SPHKAP: variants seen among roughly 807,000 people sequenced by gnomAD.
SPHKAP encodes the protein SPHK1 interactor, AKAP domain containing, also known as A-kinase anchor protein SPHKAP.
A neutral mutation model predicts 137.5 loss-of-function variants in SPHKAP; 67 were observed. The ratio of observed to expected loss-of-function variants is 0.49; its 90% CI spans 0.40 to 0.60. The LOEUF (loss-of-function observed/expected upper bound fraction) is 0.60. Among genes scored for constraint, SPHKAP ranks in the 20% least tolerant of loss-of-function variants. The pLI is 0.00. For missense variants in SPHKAP, 2,097 were observed against 2,069.3 expected, an observed-to-expected ratio of 1.01 and a Z score of -0.26; for synonymous variants, 813 against 785.3, an observed-to-expected ratio of 1.04 and a Z score of -0.59.
intron 1 of SPHKAP, among the ~76,000 whole-genome samples, chr2:228,151,070 C>T (rs977759260): frequency 6.7e-6 from 1 of 149,172 alleles, no homozygotes; most frequent in African/African-American, 2.5e-5. Context: ...TCTCCTAATG[C>T]TATCCCTCCC....
At chr2:228,118,930 A>G (rs898379584) in intron 2 of SPHKAP, among the ~76,000 whole-genome samples, 1 of 152,210 alleles carries the variant, frequency 6.6e-6, no homozygotes, top group African/African-American at 2.4e-5. Flanking sequence ...CGTCATAATC[A>G]CATAAATTAT....
At chr2:228,030,726 ATT>A (rs397974672) in intron 3 of SPHKAP, among the ~76,000 whole-genome samples, 1 of 146,780 alleles carries the variant, frequency 6.8e-6, no homozygotes. Context: ...CCTCCATAAT[ATT>A]TTTTTTTTTT....
chr2:228,070,615 T>C (rs1421469036), intron 3 of SPHKAP, among the ~76,000 whole-genome samples: 2 of 152,216 alleles, frequency 1.3e-5, no homozygotes, highest in Non-Finnish European at 2.9e-5. Flanking sequence ...TTTCTGGCAC[T>C]GTTTCTTTTA....
Position 228,001,328 on chromosome 2 carries a change from TACATATATAAATATATATAC to T in SPHKAP, c.4449-5654_4449-5635del, listed in dbSNP as rs1265737945. Among the ~76,000 whole-genome samples, 250 of 143,600 alleles carry T rather than the reference TACATATATAAATATATATAC, an allele frequency of 1.7e-3. 1 individual carries two copies. Among genetic ancestry groups the T allele is most frequent in the African/African-American group, 5.8e-3 (227 of 39,440 alleles). The allele number at this position is 143,600 out of a possible 152,430, so 94.2% of individuals were successfully genotyped here. On this transcript the variant is annotated intron_variant, in intron 7 of 11. Transcript: ENST00000392056. ...ATATCTATACATATATAAATATATA[TACATATATAAATATATATAC>T]ACATATATAAATATATACACACATA...
At chr2:228,106,842 C>T (rs1698357786) in intron 3 of SPHKAP, among the ~76,000 whole-genome samples, 1 of 152,236 alleles carries the variant, frequency 6.6e-6, no homozygotes, top group Non-Finnish European at 1.5e-5. Context: ...TTAAGAAAAG[C>T]AACTACAGGA....
chr2:227,984,809 C>T (rs1288670267), intron 11 of SPHKAP, among the ~76,000 whole-genome samples: 3 of 152,136 alleles, frequency 2.0e-5, no homozygotes, highest in East Asian at 1.9e-4. Context: ...ATTTGTTTCT[C>T]GAGACTTCTC....
chr2:228,009,319 A>C (rs1018808032), intron 7 of SPHKAP, among the ~76,000 whole-genome samples: 1 of 152,064 alleles, frequency 6.6e-6, no homozygotes, highest in African/African-American at 2.4e-5. Flanking sequence ...GCTTTTAATA[A>C]TTTGATTATC....
intron 3 of SPHKAP, 152 bp downstream of exon 3, chr2:228,108,680 T>A (rs1020884295): frequency 1.5e-5 from 8 of 542,022 alleles, no homozygotes; most frequent in Non-Finnish European, 2.2e-5. Context: ...GCTATTTTGT[T>A]AACTGTCCAT....
At chr2:228,141,605 A>G (rs1013739792) in intron 1 of SPHKAP, among the ~76,000 whole-genome samples, 2 of 152,156 alleles carry the variant, frequency 1.3e-5, no homozygotes, top group African/African-American at 4.8e-5. Flanking sequence ...ACTATTAACT[A>G]TTATCATTAG....
chr2:228,015,407 CATGATTT>C (rs1694542895), intron 7 of SPHKAP, among the ~76,000 whole-genome samples: 2 of 151,902 alleles, frequency 1.3e-5, no homozygotes, highest in Non-Finnish European at 2.9e-5. Flanking sequence ...TTTATAGCAG[CATGATTT>C]ATAGTCCTTT....
chr2:228,175,809 T>C (rs543066563), intron 1 of SPHKAP, among the ~76,000 whole-genome samples: 2 of 152,210 alleles, frequency 1.3e-5, no homozygotes, highest in East Asian at 3.9e-4. Context: ...GATAGATAGA[T>C]TTTTTTAAAA....
chr2:228,010,216 C>T (rs1185245803), intron 7 of SPHKAP, among the ~76,000 whole-genome samples: 10 of 152,090 alleles, frequency 6.6e-5, no homozygotes, highest in Admixed American at 6.6e-4. Flanking sequence ...TTGTTTAATT[C>T]TGACCATTAA....
At chr2:228,022,426 A>C (rs1372426045) in intron 5 of SPHKAP, among the ~76,000 whole-genome samples, 1 of 152,192 alleles carries the variant, frequency 6.6e-6, no homozygotes, top group Non-Finnish European at 1.5e-5. Context: ...AGAAACAGTA[A>C]ACTTTCTTGT....
chr2:228,039,857 T>C (rs1421500024), intron 3 of SPHKAP, among the ~76,000 whole-genome samples: 2 of 152,234 alleles, frequency 1.3e-5, no homozygotes, highest in Non-Finnish European at 2.9e-5. Flanking sequence ...TGCAGTTTTA[T>C]GTTTTCATGT....
intron 3 of SPHKAP, among the ~76,000 whole-genome samples, chr2:228,092,202 TAC>T (rs1370267702): frequency 2.3e-5 from 3 of 128,328 alleles, no homozygotes; most frequent in South Asian, 2.3e-4. Flanking sequence ...TACACATGCA[TAC>T]ACACATATAT....
chr2:228,117,621 T>G (rs1698753829), intron 2 of SPHKAP, among the ~76,000 whole-genome samples: 2 of 152,182 alleles, frequency 1.3e-5, no homozygotes, highest in Non-Finnish European at 1.5e-5. Context: ...GGTAACATTT[T>G]CTTGATAGAG....
intron 1 of SPHKAP, among the ~76,000 whole-genome samples, chr2:228,141,293 A>G (rs1043686177): frequency 6.6e-6 from 1 of 152,194 alleles, no homozygotes; most frequent in Non-Finnish European, 1.5e-5. Flanking sequence ...TAAAATGCAG[A>G]TGATAATAGA....
intron 3 of SPHKAP, among the ~76,000 whole-genome samples, chr2:228,098,169 G>A (rs1698056708): frequency 6.6e-6 from 1 of 151,770 alleles, no homozygotes; most frequent in African/African-American, 2.4e-5. Context: ...CTTAACAAAT[G>A]GCCATTCTGA....
intron 2 of SPHKAP, among the ~76,000 whole-genome samples, chr2:228,122,551 T>A (rs1574869359): frequency 1.3e-5 from 2 of 152,182 alleles, no homozygotes. Flanking sequence ...CCATAACTGG[T>A]GGCTTAAAAT....
Sources: allele counts gnomAD v4.1 joint callset (sites outside exome capture counted in the v4.1 genomes callset), GRCh38; gene constraint gnomAD v4.1.1; transcripts MANE v1.5; gene names NCBI Gene and HGNC (gene_info 2026-07-23, HGNC 2026-07-21).